The following FAAP20 variants were observed in gnomAD, a reference collection of about 807,000 sequenced individuals.
FAAP20 encodes Fanconi anemia core complex-associated protein 20.
In FAAP20, 12 loss-of-function variants were observed where a neutral mutation model predicts 16.2. That is an observed-to-expected ratio of 0.74 (90% CI 0.48 to 1.20). The LOEUF is 1.20. Ranked by LOEUF, FAAP20 falls within the 50% of genes most tolerant of loss-of-function variation. The pLI is 0.00. For missense variants in FAAP20, 288 were observed against 245.8 expected (o/e 1.17, Z -1.15); for synonymous variants, 141 against 110.7 (o/e 1.27, Z -1.72).
downstream of FAAP20, chr1:2,212,040 C>G (rs1212972748): frequency 1.3e-5 from 2 of 151,882 alleles, no homozygotes; most frequent in Non-Finnish European, 2.9e-5. Context: ...GTAGCTGGGA[C>G]TACAGGCGCC....
downstream of FAAP20, among the ~76,000 whole-genome samples, chr1:2,211,279 G>T (rs549184642): frequency 7.4e-6 from 1 of 134,810 alleles, no homozygotes; most frequent in Non-Finnish European, 1.6e-5. Context: ...GCCCTGGTTG[G>T]AGTGCAGTCG....
rs1572097498 is a variant in FAAP20, at chr1:2,189,637, C to T, written c.*72G>A. The T allele has an allele frequency of 3.9e-6, 5 of 1,267,884 alleles. No individual in the cohort carries two copies. The East Asian group carries it at 7.4e-5, about 19-fold the overall frequency. The allele number at this position is 1,267,884 out of a possible 1,614,324, so 78.5% of individuals were successfully genotyped here. ...GAGGCGGGGCTGCTGGCGGGGGAGC[C>T]GAGAGGCGGGGCTGCTGGCGGGGGA... On this transcript the variant is annotated 3_prime_UTR_variant, in exon 4 of 4. Transcript: ENST00000378546.
chr1:2,198,099 T>C (rs751283101), upstream of FAAP20: 10 of 1,291,310 alleles, frequency 7.7e-6, no homozygotes, highest in South Asian at 1.2e-4. Context: ...ATGAAAACGC[T>C]CCACTTCTTC....
upstream of FAAP20, chr1:2,203,695 AATCCCC>A (rs1333480624): frequency 3.1e-6 from 3 of 967,350 alleles, no homozygotes; most frequent in Non-Finnish European, 1.2e-6. Flanking sequence ...AGTTGCCTCA[AATCCCC>A]TGTTCCTTGA....
At chr1:2,185,248 G>A (rs374934151), downstream of FAAP20, 8 of 711,824 alleles carry the variant, frequency 1.1e-5, no homozygotes, top group African/African-American at 3.5e-5. Flanking sequence ...GCGTCGCGGC[G>A]GATCCGCGGG....
At chr1:2,201,034 C>G (rs1689028834), upstream of FAAP20, 1 of 1,287,772 alleles carries the variant, frequency 7.8e-7, no homozygotes, top group Non-Finnish European at 1.0e-6. Flanking sequence ...CCTGCACCTT[C>G]CAGGACCCAG....
downstream of FAAP20, among the ~76,000 whole-genome samples, chr1:2,189,047 A>C (rs546510108): frequency 5.2e-4 from 72 of 139,316 alleles, no homozygotes; most frequent in African/African-American, 1.9e-3. Context: ...ACGCCACCAG[A>C]GGCTGGGGCT....
Position 2,192,616 on chromosome 1 carries a change from A to G in FAAP20, c.470+1023T>C, listed in dbSNP as rs1466499686. The G allele has an allele frequency of 6.9e-6, 8 of 1,155,748 alleles. No homozygotes were observed. The East Asian group carries it at 4.2e-4, about 61-fold the overall frequency. 71.6% of individuals were successfully genotyped at this position (1,155,748 alleles called of 1,614,324 possible). ...TGGATTTCTCCCCAGGGCTCCCAAC[A>G]GTACCCTCTGTCCGTGATTCAGGGT... On this transcript the variant is annotated intron_variant, in intron 3 of 3. Coordinates refer to ENST00000378546, the MANE Select transcript of FAAP20 (RefSeq NM_182533.4).
upstream of FAAP20, among the ~76,000 whole-genome samples, chr1:2,203,023 G>A (rs550329266): frequency 6.6e-6 from 1 of 152,312 alleles, no homozygotes; most frequent in South Asian, 2.1e-4. Context: ...CTGGACAACA[G>A]TGCTGTCCAT....
At chr1:2,196,748 G>A (rs558212452), upstream of FAAP20, among the ~76,000 whole-genome samples, 7 of 152,304 alleles carry the variant, frequency 4.6e-5, no homozygotes, top group African/African-American at 1.7e-4. The surrounding 1 kb of genome is among the most constrained non-coding windows in gnomAD (Gnocchi z 4.5). Flanking sequence ...GCTGAGGCAC[G>A]AAAACCACCT....
At chr1:2,202,692 T>G (rs1689096935), upstream of FAAP20, among the ~76,000 whole-genome samples, 1 of 152,148 alleles carries the variant, frequency 6.6e-6, no homozygotes, top group Non-Finnish European at 1.5e-5. Flanking sequence ...CCCAGGCTGG[T>G]CTTGAACTCC....
intron 3 of FAAP20, chr1:2,191,740 CAAAA>C (rs537217585): frequency 1.2e-5 from 7 of 602,986 alleles, no homozygotes; most frequent in Non-Finnish European, 1.4e-5. Context: ...GACACCGTCT[CAAAA>C]AAAAAAAAAA....
upstream of FAAP20, among the ~76,000 whole-genome samples, chr1:2,201,621 C>T (rs1183650710): frequency 6.6e-6 from 1 of 152,184 alleles, no homozygotes; most frequent in Non-Finnish European, 1.5e-5. Flanking sequence ...ATGTGGGAGG[C>T]TGAGACAGGA....
chr1:2,203,663 G>A (rs1407497679), upstream of FAAP20: 1 of 985,198 alleles, frequency 1.0e-6, no homozygotes, highest in African/African-American at 1.7e-5. Flanking sequence ...GCTGGGGCCG[G>A]CTGCTGGGCC....
At chr1:2,186,376 CGT>C (rs1557770804), downstream of FAAP20, 3 of 176,164 alleles carry the variant, frequency 1.7e-5, no homozygotes, top group Non-Finnish European at 2.5e-5. Flanking sequence ...GGTGCCACTC[CGT>C]GCCTGGCGCT....
At chr1:2,193,001 G>A (rs984167195) in intron 3 of FAAP20, 6 of 1,303,690 alleles carry the variant, frequency 4.6e-6, no homozygotes, top group Non-Finnish European at 6.1e-6. Context: ...CATCAGGCAT[G>A]ACTGAAGGAC....
upstream of FAAP20, chr1:2,199,270 C>T (rs1688947500): frequency 2.7e-6 from 3 of 1,098,376 alleles, no homozygotes. The surrounding 1 kb of genome is among the most constrained non-coding windows in gnomAD (Gnocchi z 4.5). Context: ...CACACCCTCC[C>T]ACAGCCTGTC....
downstream of FAAP20, among the ~76,000 whole-genome samples, chr1:2,208,004 G>A (rs1186503037): frequency 1.3e-5 from 2 of 152,138 alleles, no homozygotes; most frequent in African/African-American, 4.8e-5. Flanking sequence ...GTGTGCCCGC[G>A]TGCCTGCACG....
At chr1:2,196,019 G>A (rs1688806591), upstream of FAAP20, among the ~76,000 whole-genome samples, 1 of 152,192 alleles carries the variant, frequency 6.6e-6, no homozygotes, top group African/African-American at 2.4e-5. The surrounding 1 kb of genome is among the most constrained non-coding windows in gnomAD (Gnocchi z 4.5). Context: ...GGGCCCTGTG[G>A]GAGGTAGCCT....
Sources: gnomAD v4.1 joint callset for allele counts (sites outside exome capture counted in the v4.1 genomes callset) on GRCh38, gnomAD v4.1.1 for gene constraint, Gnocchi (gnomAD v3.1) non-coding constraint, MANE v1.5 for transcripts, NCBI Gene and HGNC (gene_info 2026-07-23, HGNC 2026-07-21) for gene names.